Variants in MMP16 observed in about 807,000 individuals in gnomAD.
MMP16 encodes the protein matrix metallopeptidase 16, also known as matrix metalloproteinase-16.
Under a neutral mutation model 67.8 loss-of-function variants are expected in MMP16, and 12 were observed. That is an observed-to-expected ratio of 0.18 (90% confidence interval 0.11 to 0.29). The LOEUF is 0.29. Ranked by LOEUF, MMP16 falls within the 10% of genes least tolerant of loss-of-function variation. MMP16 has a pLI of 1.00. For synonymous variants in MMP16, 249 were observed against 255.9 expected, an observed-to-expected ratio of 0.97 and a Z score of 0.26; for missense variants, 475 against 765.7, an observed-to-expected ratio of 0.62 and a Z score of 4.48.
intron 4 of MMP16, among the ~76,000 whole-genome samples, chr8:88,139,560 T>C (rs1329048294): frequency 6.6e-6 from 1 of 152,158 alleles, no homozygotes; most frequent in Non-Finnish European, 1.5e-5. Flanking sequence ...TTATTGACTT[T>C]CTTTCCACAA....
At chr8:88,217,289 T>C (rs1809609175) in intron 1 of MMP16, among the ~76,000 whole-genome samples, 1 of 152,078 alleles carries the variant, frequency 6.6e-6, no homozygotes, top group Non-Finnish European at 1.5e-5. Context: ...GTTCTCTCAA[T>C]GTATAAACTG....
chr8:88,166,182 A>G (rs1808707677), intron 4 of MMP16, among the ~76,000 whole-genome samples: 1 of 152,110 alleles, frequency 6.6e-6, no homozygotes, highest in Admixed American at 6.6e-5. Flanking sequence ...CCTCTTATGA[A>G]CAAACAAAGC....
intron 9 of MMP16, among the ~76,000 whole-genome samples, chr8:88,044,890 C>T (rs936527899): frequency 2.6e-5 from 4 of 152,152 alleles, no homozygotes; most frequent in African/African-American, 4.8e-5. Flanking sequence ...TCCTTCTTAG[C>T]TGTATAGCTT....
At chr8:88,082,060 T>A (rs961495764) in intron 6 of MMP16, among the ~76,000 whole-genome samples, 33 of 152,050 alleles carry the variant, frequency 2.2e-4, no homozygotes, top group Non-Finnish European at 2.6e-4. Context: ...GGTCAATTAA[T>A]CTAATGTATA....
rs1237527429 is a variant in MMP16, at chr8:88,038,230, T to C, written c.*3231A>G. On this transcript the variant is annotated 3_prime_UTR_variant, in exon 10 of 10. Transcript: ENST00000286614. The surrounding 1 kb of genome is among the most constrained non-coding windows in gnomAD (Gnocchi z 4.1). ...TGATTACATTGTCCTTATTGTCTTC[T>C]TATCTCTTGTAATAGTACAGCCTGA... 1.3e-5 allele frequency: 2 copies of C among 152,034 alleles called. No homozygotes were observed. Among genetic ancestry groups the C allele is most frequent in the Non-Finnish European group, 2.9e-5 (2 of 67,934 alleles). 9.4% of individuals were successfully genotyped at this position (152,034 alleles called of 1,614,324 possible). A position where few individuals can be genotyped will look rare whatever the true frequency, so the allele number is the denominator to read the frequency against.
chr8:88,085,052 A>G (rs1196246219), intron 6 of MMP16, among the ~76,000 whole-genome samples: 2 of 64,528 alleles, frequency 3.1e-5, no homozygotes, highest in Non-Finnish European at 3.0e-5. Flanking sequence ...GTAAGATCAC[A>G]TATTGTGATA....
chr8:88,073,253 C>T (rs146472868), intron 7 of MMP16, among the ~76,000 whole-genome samples: 37 of 152,258 alleles, frequency 2.4e-4, no homozygotes, highest in African/African-American at 7.7e-4. Context: ...CACTGTGGTG[C>T]GGTGCACCGC....
At chr8:88,102,515 A>G (rs1011944559) in intron 6 of MMP16, among the ~76,000 whole-genome samples, 1 of 151,666 alleles carries the variant, frequency 6.6e-6, no homozygotes, top group Non-Finnish European at 1.5e-5. Flanking sequence ...AACCCTGTCC[A>G]TTTTGGTTTT....
At chr8:88,240,664 A>G (rs1329143571) in intron 1 of MMP16, among the ~76,000 whole-genome samples, 1 of 152,220 alleles carries the variant, frequency 6.6e-6, no homozygotes, top group Non-Finnish European at 1.5e-5. Context: ...AAGTCTAGAG[A>G]ACCACTCATT....
intron 1 of MMP16, among the ~76,000 whole-genome samples, chr8:88,204,100 A>G (rs1809388345): frequency 6.6e-6 from 1 of 152,234 alleles, no homozygotes; most frequent in African/African-American, 2.4e-5. Flanking sequence ...ATAATTCCCT[A>G]CTTTAAAATC....
chr8:88,267,411 C>A (rs1810492084), intron 1 of MMP16, among the ~76,000 whole-genome samples: 1 of 152,332 alleles, frequency 6.6e-6, no homozygotes, highest in African/African-American at 2.4e-5. Flanking sequence ...TTCTGGGTAT[C>A]CCCACAAAAC....
At chr8:88,208,790 G>T (rs1169769593) in intron 1 of MMP16, among the ~76,000 whole-genome samples, 1 of 111,612 alleles carries the variant, frequency 9.0e-6, no homozygotes, top group Non-Finnish European at 1.8e-5. Context: ...GCCAATCAAG[G>T]AAATCATGAA....
intron 6 of MMP16, among the ~76,000 whole-genome samples, chr8:88,092,903 G>C (rs1284205781): frequency 1.3e-5 from 2 of 151,784 alleles, no homozygotes; most frequent in African/African-American, 4.8e-5. Flanking sequence ...ATCTGTATCT[G>C]TAACCCACTC....
chr8:88,224,975 C>T (rs1809746662), intron 1 of MMP16, among the ~76,000 whole-genome samples: 1 of 151,892 alleles, frequency 6.6e-6, no homozygotes, highest in African/African-American at 2.4e-5. Flanking sequence ...ATTAGATTAA[C>T]CTCTGATCTT....
chr8:88,055,383 T>G (rs959960846), intron 8 of MMP16, among the ~76,000 whole-genome samples: 3 of 152,154 alleles, frequency 2.0e-5, no homozygotes, highest in Non-Finnish European at 4.4e-5. Context: ...AATTTTTATA[T>G]TTTTAGTAGA....
chr8:88,139,904 T>C (rs372319324), intron 4 of MMP16, among the ~76,000 whole-genome samples: 1 of 152,170 alleles, frequency 6.6e-6, no homozygotes, highest in East Asian at 1.9e-4. Context: ...TCCTAGAAAA[T>C]AACCTTCTTT....
chr8:88,244,876 T>C (rs1225635547), intron 1 of MMP16, among the ~76,000 whole-genome samples: 2 of 152,196 alleles, frequency 1.3e-5, no homozygotes, highest in Non-Finnish European at 2.9e-5. Flanking sequence ...AGATATCTTC[T>C]TAATACCGAG....
At chr8:88,071,435 G>T (rs1393275434) in intron 7 of MMP16, among the ~76,000 whole-genome samples, 1 of 151,526 alleles carries the variant, frequency 6.6e-6, no homozygotes, top group Non-Finnish European at 1.5e-5. Flanking sequence ...GGGAATAAAA[G>T]ACAAAGCTTC....
intron 1 of MMP16, among the ~76,000 whole-genome samples, chr8:88,304,913 C>A (rs1245230047): frequency 6.6e-6 from 1 of 152,130 alleles, no homozygotes; most frequent in Non-Finnish European, 1.5e-5. Context: ...AACCAGCTAC[C>A]ATCATAATGA....
Sources: allele counts gnomAD v4.1 joint callset (sites outside exome capture counted in the v4.1 genomes callset), GRCh38; gene constraint gnomAD v4.1.1; non-coding constraint Gnocchi (gnomAD v3.1); transcripts MANE v1.5; gene names NCBI Gene and HGNC (gene_info 2026-07-23, HGNC 2026-07-21).